The following DENND1A variants were observed in gnomAD, a reference collection of about 807,000 sequenced individuals.
DENND1A encodes the protein DENN domain containing 1A.
A neutral mutation model predicts 113.7 loss-of-function variants in DENND1A; 51 were observed. That is an observed-to-expected ratio of 0.45 (90% CI 0.36 to 0.57). The LOEUF (loss-of-function observed/expected upper bound fraction) is 0.57, where lower values mean the gene tolerates loss of function less well. Ranked by LOEUF, DENND1A falls within the 20% of genes least tolerant of loss-of-function variation. The probability of loss-of-function intolerance (pLI) is 0.00; values close to 1 mark genes in which losing one functional copy is unlikely to be tolerated. For missense variants in DENND1A, 1,258 were observed against 1,395.9 expected (o/e 0.90, Z 1.57); for synonymous variants, 565 against 570.8 (o/e 0.99, Z 0.14).
intron 21 of DENND1A, among the ~76,000 whole-genome samples, chr9:123,391,283 T>TAC (rs1192686203): frequency 1.3e-5 from 2 of 152,256 alleles, no homozygotes; most frequent in African/African-American, 4.8e-5. Flanking sequence ...AGTGGCAGGG[T>TAC]ACATCCAGGT....
At chr9:123,638,546 T>G (rs760776769) in intron 9 of DENND1A, among the ~76,000 whole-genome samples, 4 of 152,204 alleles carry the variant, frequency 2.6e-5, no homozygotes, top group Non-Finnish European at 4.4e-5. Context: ...CTTGGCTCAC[T>G]GCAACCTCTG....
intron 5 of DENND1A, among the ~76,000 whole-genome samples, chr9:123,705,582 T>C (rs77656573): frequency 0.027 from 4,050 of 152,162 alleles, 65 homozygotes; most frequent in Non-Finnish European, 0.039. Context: ...CGTAAAAACA[T>C]AGGTCCTTAG....
intron 2 of DENND1A, among the ~76,000 whole-genome samples, chr9:123,795,538 C>G (rs776647358): frequency 2.6e-5 from 4 of 152,232 alleles, no homozygotes; most frequent in Non-Finnish European, 4.4e-5. Flanking sequence ...AATTTTCTGT[C>G]TGGCAGCAAT....
At chr9:123,609,331 C>T in intron 11 of DENND1A, 105 bp downstream of exon 11, 4 of 1,261,400 alleles carry the variant, frequency 3.2e-6, no homozygotes, top group East Asian at 4.8e-5. Flanking sequence ...CTTCAGCATG[C>T]TCCCACGTGC....
At chr9:123,879,519 T>C (rs1848014941) in intron 1 of DENND1A, among the ~76,000 whole-genome samples, 1 of 151,204 alleles carries the variant, frequency 6.6e-6, no homozygotes, top group South Asian at 2.1e-4. Context: ...GGTAACAGAG[T>C]GAGATGCTGT....
chr9:123,731,152 T>C (rs1002058889), intron 5 of DENND1A, among the ~76,000 whole-genome samples: 1 of 152,142 alleles, frequency 6.6e-6, no homozygotes, highest in Non-Finnish European at 1.5e-5. Context: ...AAATACCTAA[T>C]GTAGATGACG....
chr9:123,790,496 C>G (rs573463363), intron 3 of DENND1A, among the ~76,000 whole-genome samples: 1 of 152,180 alleles, frequency 6.6e-6, no homozygotes, highest in Admixed American at 6.6e-5. Context: ...TCCATGAGGA[C>G]CATTCTCCAA....
intron 10 of DENND1A, among the ~76,000 whole-genome samples, chr9:123,628,163 G>A (rs79369779): frequency 0.062 from 9,383 of 151,906 alleles, 336 homozygotes; most frequent in African/African-American, 0.088. Context: ...ACTATAGATG[G>A]CAAAACAGTG....
At chr9:123,626,083 G>C (rs1020295428) in intron 10 of DENND1A, among the ~76,000 whole-genome samples, 1 of 151,874 alleles carries the variant, frequency 6.6e-6, no homozygotes, top group Non-Finnish European at 1.5e-5. Context: ...TGTGGAGATG[G>C]CGATCTCACA....
At chr9:123,440,516 G>A (rs764510817) in intron 18 of DENND1A, 25 bp from the exon 19 acceptor site, 7 of 1,534,326 alleles carry the variant, frequency 4.6e-6, no homozygotes, top group South Asian at 2.5e-5. Flanking sequence ...ATAGTCAGCG[G>A]TTGGCACTGG....
intron 2 of DENND1A, among the ~76,000 whole-genome samples, chr9:123,854,240 C>A (rs1291397836): frequency 1.3e-5 from 2 of 152,178 alleles, no homozygotes. Flanking sequence ...TCATCCTAGC[C>A]CTCAGCTGAT....
chr9:123,542,745 C>T (rs1186650658), intron 13 of DENND1A, among the ~76,000 whole-genome samples: 3 of 152,098 alleles, frequency 2.0e-5, no homozygotes, highest in Non-Finnish European at 4.4e-5. Flanking sequence ...CTGACTCAAG[C>T]ACCCACTGCA....
rs1262265648 is a variant in DENND1A at position 123,764,989 on chromosome 9, C to T, written c.182+4525G>A. On this transcript the variant is annotated intron_variant, in intron 4 of 23. Transcript: ENST00000394215. This position sits in a 1 kb window ranked among gnomAD's most constrained non-coding sequence, Gnocchi z 4.1. ...TGCTAAACCAAGGGACTTCAAGGGC[C>T]CAGTGGGTTCAGGTTTAGAAAGGAG... is the stretch of plus-strand genomic sequence containing the variant. Among the ~76,000 whole-genome samples the T allele has an allele frequency of 2.6e-5, 4 of 152,008 alleles. No individual in the cohort carries two copies. Among genetic ancestry groups the T allele is most frequent in the African/African-American group, 9.7e-5 (4 of 41,378 alleles).
At chr9:123,816,650 CCT>C (rs1837538574) in intron 2 of DENND1A, among the ~76,000 whole-genome samples, 1 of 152,154 alleles carries the variant, frequency 6.6e-6, no homozygotes, top group African/African-American at 2.4e-5. Context: ...ATTACCTGGT[CCT>C]CTCACACTAC....
chr9:123,399,089 C>T (rs1324282980), intron 21 of DENND1A, among the ~76,000 whole-genome samples: 3 of 152,198 alleles, frequency 2.0e-5, no homozygotes, highest in Admixed American at 1.3e-4. Context: ...AGCCACCGCG[C>T]CCGGCCGTGG....
intron 19 of DENND1A, among the ~76,000 whole-genome samples, chr9:123,424,226 C>T (rs1382562710): frequency 6.6e-6 from 1 of 152,150 alleles, no homozygotes; most frequent in Non-Finnish European, 1.5e-5. Context: ...GGAGGGTGTC[C>T]ATCAATCCTG....
At chr9:123,842,427 T>C (rs2132987762) in intron 2 of DENND1A, among the ~76,000 whole-genome samples, 1 of 152,252 alleles carries the variant, frequency 6.6e-6, no homozygotes, top group South Asian at 2.1e-4. Context: ...AATATTAATG[T>C]TACAGCTCTT....
chr9:123,512,350 C>T (rs1331382436), intron 13 of DENND1A, among the ~76,000 whole-genome samples: 2 of 152,182 alleles, frequency 1.3e-5, no homozygotes, highest in African/African-American at 4.8e-5. Context: ...CGAGGGGGAG[C>T]GTGGCCCCTG....
Position 123,527,989 on chromosome 9 carries a change from C to T in DENND1A, c.993+29581G>A, listed in dbSNP as rs564595085. On this transcript the variant is annotated intron_variant, in intron 13 of 23. Transcript: ENST00000394215. ...TGTATTAAATGAGATGACATGTGAA[C>T]GCACCTGCCATCACACATGGCTCAT... 5.3e-5 allele frequency among the ~76,000 whole-genome samples: 8 copies of T among 152,208 alleles called. No individual in the cohort carries two copies. The South Asian group carries it at 1.0e-3, about 20-fold the overall frequency.
Sources: gnomAD v4.1 joint callset for allele counts (sites outside exome capture counted in the v4.1 genomes callset) on GRCh38, gnomAD v4.1.1 for gene constraint, Gnocchi (gnomAD v3.1) non-coding constraint, MANE v1.5 for transcripts, NCBI Gene and HGNC (gene_info 2026-07-23, HGNC 2026-07-21) for gene names.